Variants in LDLRAD4 observed in about 807,000 individuals in gnomAD.
LDLRAD4 encodes the protein low-density lipoprotein receptor class A domain-containing protein 4.
A neutral mutation model predicts 17.0 loss-of-function variants in LDLRAD4; 5 were observed. That is an observed-to-expected ratio of 0.29 (90% CI 0.15 to 0.62). The LOEUF is 0.62. LDLRAD4 is among the 20% of genes least tolerant of loss of function. The probability of loss-of-function intolerance (pLI) is 0.84; values close to 1 mark genes in which losing one functional copy is unlikely to be tolerated. For synonymous variants in LDLRAD4, 168 were observed against 171.8 expected, an observed-to-expected ratio of 0.98 and a Z score of 0.17; for missense variants, 340 against 424.7, an observed-to-expected ratio of 0.80 and a Z score of 1.75.
At chr18:13,371,541 G>C (rs1285451156) in intron 1 of LDLRAD4, among the ~76,000 whole-genome samples, 1 of 152,134 alleles carries the variant, frequency 6.6e-6, no homozygotes, top group Admixed American at 6.5e-5. Context: ...GGCCGAAGCG[G>C]GTGGATCACT....
At chr18:13,222,591 T>C (rs1042968125) in intron 1 of LDLRAD4, among the ~76,000 whole-genome samples, 49 of 152,244 alleles carry the variant, frequency 3.2e-4, no homozygotes, top group African/African-American at 1.2e-3. Flanking sequence ...GCGCCGCTCA[T>C]GGGCCTGGTG....
At chr18:13,272,624 G>A (rs915765589) in intron 1 of LDLRAD4, among the ~76,000 whole-genome samples, 5 of 152,236 alleles carry the variant, frequency 3.3e-5, no homozygotes, top group Admixed American at 6.5e-5. Context: ...TCTGAAAGGC[G>A]CTGATGAAAT....
chr18:13,436,176 C>G (rs774217279), intron 2 of LDLRAD4, among the ~76,000 whole-genome samples: 1 of 152,172 alleles, frequency 6.6e-6, no homozygotes, highest in East Asian at 1.9e-4. Flanking sequence ...AGTCACTGCT[C>G]ATATTTTTAA....
At chr18:13,263,047 G>A (rs1212588561) in intron 1 of LDLRAD4, among the ~76,000 whole-genome samples, 2 of 142,204 alleles carry the variant, frequency 1.4e-5, no homozygotes, top group African/African-American at 2.7e-5. Flanking sequence ...CGTGGGGGCC[G>A]AGTCCCGTGC....
intron 1 of LDLRAD4, among the ~76,000 whole-genome samples, chr18:13,251,936 A>G (rs1328357373): frequency 6.6e-6 from 1 of 152,242 alleles, no homozygotes; most frequent in African/African-American, 2.4e-5. Context: ...CTTCAAAACA[A>G]GTTAGTCATG....
chr18:13,536,326 G>A (rs62084763), intron 3 of LDLRAD4, among the ~76,000 whole-genome samples: 2 of 152,034 alleles, frequency 1.3e-5, no homozygotes, highest in Non-Finnish European at 2.9e-5. Context: ...ATAATTTTCA[G>A]TGTACAGGCC....
intron 1 of LDLRAD4, among the ~76,000 whole-genome samples, chr18:13,322,579 C>T (rs560055884): frequency 2.0e-5 from 3 of 151,606 alleles, no homozygotes; most frequent in South Asian, 2.1e-4. Context: ...CCCAAAGTGG[C>T]GTGAGCCACT....
In LDLRAD4 at chr18:13,328,422, G is replaced by C. The variant is rs117224047; in HGVS notation, c.-383+50234G>C. Among the ~76,000 whole-genome samples, 10 of 152,334 alleles carry C rather than the reference G, an allele frequency of 6.6e-5. No individual in the cohort carries two copies. In the East Asian group the frequency reaches 1.9e-3, roughly 29 times the overall value. On this transcript the variant is annotated intron_variant, in intron 1 of 5. Transcript: ENST00000359446. ...GCAGCCCCATTCAGCATAAATCCCT[G>C]TCTTATTCTTCCCACCCTTGAAGTG...
At chr18:13,479,984 C>A (rs2093043640) in intron 3 of LDLRAD4, among the ~76,000 whole-genome samples, 1 of 152,204 alleles carries the variant, frequency 6.6e-6, no homozygotes, top group African/African-American at 2.4e-5. Context: ...GGGGGGCAGC[C>A]ACATTGGAAA....
At chr18:13,536,359 A>T (rs1300573418) in intron 3 of LDLRAD4, among the ~76,000 whole-genome samples, 1 of 152,188 alleles carries the variant, frequency 6.6e-6, no homozygotes, top group African/African-American at 2.4e-5. Flanking sequence ...CATTAAATTT[A>T]TTCCTAAGAA....
chr18:13,338,267 G>A (rs2082206632), intron 1 of LDLRAD4, among the ~76,000 whole-genome samples: 1 of 152,102 alleles, frequency 6.6e-6, no homozygotes, highest in African/African-American at 2.4e-5. Context: ...TGCACCCATT[G>A]CTATATGTTC....
At chr18:13,346,494 C>T (rs1285591986) in intron 1 of LDLRAD4, among the ~76,000 whole-genome samples, 1 of 152,064 alleles carries the variant, frequency 6.6e-6, no homozygotes, top group Non-Finnish European at 1.5e-5. Flanking sequence ...GCTTTATTTC[C>T]AACTATGTGG....
At chr18:13,348,899 A>C (rs564986473) in intron 1 of LDLRAD4, among the ~76,000 whole-genome samples, 35 of 152,250 alleles carry the variant, frequency 2.3e-4, no homozygotes, top group African/African-American at 8.2e-4. Flanking sequence ...TCCTGGTGTG[A>C]TGTTTGCTAA....
intron 1 of LDLRAD4, among the ~76,000 whole-genome samples, chr18:13,385,644 G>A (rs991494369): frequency 6.6e-6 from 1 of 152,216 alleles, no homozygotes; most frequent in Admixed American, 6.5e-5. Flanking sequence ...GAAAAGGGCA[G>A]AGAAAAATCA....
chr18:13,498,641 C>T (rs1196984575), intron 3 of LDLRAD4, among the ~76,000 whole-genome samples: 2 of 150,918 alleles, frequency 1.3e-5, no homozygotes, highest in East Asian at 2.0e-4. Flanking sequence ...CCACACGTGT[C>T]CCACTGTGGA....
At chr18:13,490,519 T>G (rs2093336688) in intron 3 of LDLRAD4, 1 of 152,234 alleles carries the variant, frequency 6.6e-6, no homozygotes, top group Non-Finnish European at 1.5e-5. Context: ...ATGGAACATT[T>G]TTTCAGTTTA....
At chr18:13,579,636 G>A (rs182888760) in intron 3 of LDLRAD4, among the ~76,000 whole-genome samples, 3 of 152,314 alleles carry the variant, frequency 2.0e-5, no homozygotes, top group Admixed American at 1.3e-4. Context: ...TTCAACTGGT[G>A]GAGACATATC....
At chr18:13,567,117 G>A (rs1187305476) in intron 3 of LDLRAD4, among the ~76,000 whole-genome samples, 1 of 152,166 alleles carries the variant, frequency 6.6e-6, no homozygotes, top group South Asian at 2.1e-4. Context: ...CCTCATCGTG[G>A]GTTGCTCTGG....
In LDLRAD4 at chr18:13,454,002, G is replaced by A. The variant is rs544359494; in HGVS notation, c.181+15618G>A. Among the ~76,000 whole-genome samples the A allele has an allele frequency of 2.0e-3, 306 of 152,394 alleles. 2 individuals are homozygous for A. Among genetic ancestry groups the A allele is most frequent in the Non-Finnish European group, 3.8e-3 (261 of 68,048 alleles). The stretch of plus-strand genomic sequence containing the variant: ...TCATTCCGGCGCTGCCGCCGACTGC[G>A]GGGACAGAGCCGGAGGCTGCGCCGT... On this transcript the variant is annotated intron_variant, in intron 3 of 5. Transcript: ENST00000359446.
Sources: gnomAD v4.1 joint callset for allele counts (sites outside exome capture counted in the v4.1 genomes callset) on GRCh38, gnomAD v4.1.1 for gene constraint, MANE v1.5 for transcripts, NCBI Gene and HGNC (gene_info 2026-07-23, HGNC 2026-07-21) for gene names.